Variants in CRACD observed in about 807,000 individuals in gnomAD.
CRACD encodes capping protein-inhibiting regulator of actin dynamics.
A neutral mutation model predicts 106.8 loss-of-function variants in CRACD; 56 were observed. The ratio of observed to expected loss-of-function variants is 0.52; its 90% CI spans 0.42 to 0.66. The LOEUF (loss-of-function observed/expected upper bound fraction) is 0.66. Among genes scored for constraint, CRACD ranks in the 30% least tolerant of loss-of-function variants. The pLI, the probability that CRACD is intolerant of heterozygous loss-of-function variation, is 0.00. For missense variants in CRACD, 1,730 were observed against 1,623.2 expected, an observed-to-expected ratio of 1.07 and a Z score of -1.13; for synonymous variants, 754 against 670.8, an observed-to-expected ratio of 1.12 and a Z score of -1.92.
chr4:56,255,131 A>ACT lies in CRACD; in HGVS notation c.-188-17190_-188-17189insCT, dbSNP rs1560504345. 6.5e-4 allele frequency among the ~76,000 whole-genome samples: 97 copies of ACT among 150,064 alleles called. 1 individual carries two copies. The highest frequency in any genetic ancestry group is 2.2e-3 in the African/African-American group (92 of 40,984). On this transcript the variant is annotated intron_variant, in intron 2 of 10. Transcript: ENST00000682029. The stretch of plus-strand genomic sequence containing the variant: ...TCCATCTCAAAAAAAAAAAAAAAAA[A>ACT]AAACTAAAAATTGGCCAATGAAATC...
At chr4:56,187,119 A>C (rs1250925877) in intron 2 of CRACD, among the ~76,000 whole-genome samples, 1 of 152,112 alleles carries the variant, frequency 6.6e-6, no homozygotes, top group African/African-American at 2.4e-5. Flanking sequence ...GAACCTTTGA[A>C]TCTAGCATTG....
chr4:56,286,997 C>T (rs1050332245), intron 3 of CRACD, among the ~76,000 whole-genome samples: 13 of 152,190 alleles, frequency 8.5e-5, no homozygotes, highest in African/African-American at 3.1e-4. Flanking sequence ...CTCATCCAGG[C>T]CTCCGCTGAG....
intron 1 of CRACD, among the ~76,000 whole-genome samples, chr4:56,162,030 AAT>A (rs1577702950): frequency 1.3e-5 from 2 of 151,854 alleles, no homozygotes; most frequent in African/African-American, 4.8e-5. Context: ...TCCCAAAGTG[AAT>A]TGTGCTTTGG....
intron 2 of CRACD, among the ~76,000 whole-genome samples, chr4:56,187,216 T>C (rs945842219): frequency 6.6e-5 from 10 of 152,168 alleles, no homozygotes; most frequent in African/African-American, 2.4e-4. Context: ...GGGTGAAGTG[T>C]GATTAGTGAT....
rs1443504950 is a variant in CRACD, at chr4:56,157,805, A to C, written c.-335-21479A>C. On this transcript the variant is annotated intron_variant, in intron 1 of 10. Transcript: ENST00000682029. ...CAGGATAACTTTGCCTTCCTGAGGC[A>C]CTGTATGCCTCTCCCTTTTTGCTGA... is the stretch of plus-strand genomic sequence containing the variant. 2.0e-5 allele frequency among the ~76,000 whole-genome samples: 3 copies of C among 152,188 alleles called. No homozygotes were observed. The East Asian group carries it at 5.8e-4, about 29-fold the overall frequency.
intron 1 of CRACD, among the ~76,000 whole-genome samples, chr4:56,142,986 T>C (rs1735257246): frequency 1.3e-5 from 2 of 151,838 alleles, no homozygotes; most frequent in African/African-American, 4.8e-5. Flanking sequence ...TTTTCATTGA[T>C]TTTTCTCTTT....
intron 3 of CRACD, among the ~76,000 whole-genome samples, chr4:56,279,164 A>G (rs1173544590): frequency 6.6e-6 from 1 of 152,180 alleles, no homozygotes; most frequent in Non-Finnish European, 1.5e-5. Flanking sequence ...ATGTGACTAC[A>G]CCCACTGTCC....
rs564931015 is a variant in CRACD at position 56,097,006 on chromosome 4, G to T, written c.-336+47707G>T. ...TAAGTGGAGAAAGGAAATTAATGAT[G>T]TAGAAGAATTGGGTAGAATTTCTGG... On this transcript the variant is annotated intron_variant, in intron 1 of 10. Coordinates refer to ENST00000682029, the MANE Select transcript of CRACD (RefSeq NM_001393381.1). 3.3e-5 allele frequency among the ~76,000 whole-genome samples: 5 copies of T among 152,232 alleles called. No homozygotes were observed. The East Asian group carries it at 9.6e-4, about 29-fold the overall frequency.
At position 56,067,208 on chromosome 4, in the gene CRACD, C is replaced by G. The variant is rs1413770150; in HGVS notation, c.-336+17909C>G. On this transcript the variant is annotated intron_variant, in intron 1 of 10. Coordinates refer to ENST00000682029, the MANE Select transcript of CRACD (RefSeq NM_001393381.1). ...TCCAGAAGAGAAAAAAAAAATAAGA[C>G]AAAACTAAGATAGATGATTCTTCTG... 4.0e-5 allele frequency among the ~76,000 whole-genome samples: 6 copies of G among 151,676 alleles called. No individual in the cohort carries two copies. The East Asian group carries it at 1.2e-3, about 29-fold the overall frequency.
intron 2 of CRACD, among the ~76,000 whole-genome samples, chr4:56,190,269 T>A (rs112838673): frequency 0.017 from 2,577 of 151,960 alleles, 85 homozygotes; most frequent in African/African-American, 0.06. Context: ...GAATAGTGCC[T>A]CAATAAACAT....
intron 1 of CRACD, among the ~76,000 whole-genome samples, chr4:56,166,101 G>T (rs1736132578): frequency 6.6e-6 from 1 of 152,082 alleles, no homozygotes; most frequent in South Asian, 2.1e-4. Context: ...CCAGCCTCAA[G>T]CGATCCTCCC....
intron 2 of CRACD, among the ~76,000 whole-genome samples, chr4:56,243,422 TAGAAGAG>T: frequency 6.6e-6 from 1 of 152,302 alleles, no homozygotes; most frequent in East Asian, 1.9e-4. Flanking sequence ...TAAGGAATGT[TAGAAGAG>T]AGAGAAATGA....
intron 1 of CRACD, among the ~76,000 whole-genome samples, chr4:56,105,105 G>A (rs10030686): frequency 0.46 from 70,420 of 151,990 alleles, 17,545 homozygotes; most frequent in African/African-American, 0.65. Flanking sequence ...AATTAAAAGC[G>A]TCCAGTTACT....
At chr4:56,309,195 G>C in intron 5 of CRACD, 1 of 353,816 alleles carries the variant, frequency 2.8e-6, no homozygotes, top group Non-Finnish European at 5.6e-6. Context: ...GGTAGAGAGA[G>C]GTGCCAAGCC....
At chr4:56,188,441 A>G (rs564840831) in intron 2 of CRACD, among the ~76,000 whole-genome samples, 4 of 152,066 alleles carry the variant, frequency 2.6e-5, no homozygotes, top group Admixed American at 6.5e-5. Flanking sequence ...GCTCACCCTG[A>G]TGCTGCCAAT....
chr4:56,216,217 T>G (rs1560487117), intron 2 of CRACD: 1 of 152,240 alleles, frequency 6.6e-6, no homozygotes, highest in African/African-American at 2.4e-5. Flanking sequence ...GGAAATGGGC[T>G]CTTTGCATGA....
intron 2 of CRACD, among the ~76,000 whole-genome samples, chr4:56,189,851 G>A (rs1192141868): frequency 1.4e-5 from 2 of 146,682 alleles, no homozygotes; most frequent in African/African-American, 5.0e-5. Flanking sequence ...TAAGTTTTAG[G>A]GTACATGTGC....
At chr4:56,059,606 A>G (rs964051625) in intron 1 of CRACD, among the ~76,000 whole-genome samples, 2 of 152,224 alleles carry the variant, frequency 1.3e-5, no homozygotes, top group African/African-American at 4.8e-5. Flanking sequence ...GCATAGTATG[A>G]CAAGAACAGG....
At chr4:56,244,575 T>C (rs1740572176) in intron 2 of CRACD, among the ~76,000 whole-genome samples, 1 of 152,192 alleles carries the variant, frequency 6.6e-6, no homozygotes, top group Non-Finnish European at 1.5e-5. Flanking sequence ...TATCAGTTGG[T>C]AAAATTCTGA....
Sources: gnomAD v4.1 joint callset for allele counts (sites outside exome capture counted in the v4.1 genomes callset) on GRCh38, gnomAD v4.1.1 for gene constraint, MANE v1.5 for transcripts, NCBI Gene and HGNC (gene_info 2026-07-23, HGNC 2026-07-21) for gene names.